The following PRELID2 variants were observed in gnomAD, a reference collection of about 807,000 sequenced individuals.
The protein encoded by PRELID2 is PRELI domain-containing protein 2.
PRELID2 carries 25 observed loss-of-function variants against 28.4 expected under a neutral mutation model. That is an observed-to-expected ratio of 0.88 (90% CI 0.64 to 1.23). The LOEUF (loss-of-function observed/expected upper bound fraction) is 1.23. Among genes scored for constraint, PRELID2 ranks in the 50% most tolerant of loss-of-function variants. The pLI is 0.00. For missense variants in PRELID2, 201 were observed against 214.4 expected (o/e 0.94, Z 0.39); for synonymous variants, 76 against 71.6 (o/e 1.06, Z -0.31).
the PRELID2 span, among the ~76,000 whole-genome samples, chr5:145,409,785 A>G: frequency 3.4e-4 from 52 of 151,868 alleles, no homozygotes; most frequent in Admixed American, 3.4e-3. Context: ...GAGACATTAT[A>G]TAATGATTAA....
the PRELID2 span, among the ~76,000 whole-genome samples, chr5:145,279,238 C>T: frequency 6.6e-6 from 1 of 152,182 alleles, no homozygotes; most frequent in African/African-American, 2.4e-5. Flanking sequence ...CTAATAAATT[C>T]TTTCCTCCAT....
intron 1 of PRELID2, among the ~76,000 whole-genome samples, chr5:145,575,687 T>C (rs914826741): frequency 6.6e-6 from 1 of 152,164 alleles, no homozygotes. Context: ...GAAAAATATA[T>C]TGAAAATAAT....
At chr5:145,830,149 G>A (rs565370943) in intron 1 of PRELID2, among the ~76,000 whole-genome samples, 6 of 152,336 alleles carry the variant, frequency 3.9e-5, no homozygotes, top group African/African-American at 1.4e-4. Flanking sequence ...AGGATTTGCT[G>A]AGTACCTACT....
In PRELID2 at chr5:145,638,172, T is replaced by A. The variant is rs1274680710; in HGVS notation, n.70+126759A>T. On this transcript the variant is annotated intron_variant and non_coding_transcript_variant, in intron 1 of 2. Transcript: ENST00000510259. ...TCATTGCTAGTACTATTATTGATAT[T>A]GGTACTACTACTACTACCAGTACTA... 4.6e-5 allele frequency among the ~76,000 whole-genome samples: 7 copies of A among 152,330 alleles called. No individual in the cohort carries two copies. In the East Asian group the frequency reaches 1.4e-3, roughly 29 times the overall value.
At chr5:145,633,435 C>T (rs1008439348) in intron 1 of PRELID2, among the ~76,000 whole-genome samples, 2 of 152,166 alleles carry the variant, frequency 1.3e-5, no homozygotes, top group African/African-American at 4.8e-5. Flanking sequence ...GAATAGTAAA[C>T]TCTAGTTCAC....
At chr5:145,800,650 G>A (rs560295132) in intron 4 of PRELID2, among the ~76,000 whole-genome samples, 4 of 152,176 alleles carry the variant, frequency 2.6e-5, no homozygotes, top group African/African-American at 9.6e-5. Context: ...GCCACTTTTG[G>A]GAGAAGTAAG....
At chr5:145,412,102 G>T in the PRELID2 span, among the ~76,000 whole-genome samples, 62,340 of 151,894 alleles carry the variant, frequency 0.41, 13,160 homozygotes, top group Admixed American at 0.48. Context: ...TGCTGTGAAG[G>T]TCTCTGACAC....
At chr5:145,588,339 C>T (rs1207698883) in intron 1 of PRELID2, among the ~76,000 whole-genome samples, 2 of 152,114 alleles carry the variant, frequency 1.3e-5, no homozygotes, top group African/African-American at 2.4e-5. Context: ...CATCTCCCTG[C>T]AGGCTCCTAC....
At position 145,490,638 on chromosome 5, in the gene PRELID2, A is replaced by T. The variant is rs1752260379; in HGVS notation, n.71-17323T>A. 2.6e-5 allele frequency among the ~76,000 whole-genome samples: 4 copies of T among 152,338 alleles called. No homozygotes were observed. The South Asian group carries it at 8.3e-4, about 32-fold the overall frequency. ...TTTAAGCAAATGTATAGATGAAAAT[A>T]TCAGGCAATTATAAACAATTATAAA... On this transcript the variant is annotated intron_variant and non_coding_transcript_variant, in intron 1 of 2. Coordinates refer to the PRELID2 transcript ENST00000510259.
At chr5:145,616,142 C>T (rs536484220) in intron 1 of PRELID2, among the ~76,000 whole-genome samples, 69 of 152,238 alleles carry the variant, frequency 4.5e-4, no homozygotes, top group African/African-American at 1.5e-3. Flanking sequence ...TCATAGGTTA[C>T]CTGGTGGTGT....
the PRELID2 span, among the ~76,000 whole-genome samples, chr5:145,269,773 A>T: frequency 6.7e-6 from 1 of 149,782 alleles, no homozygotes; most frequent in Non-Finnish European, 1.5e-5. Context: ...CCTCCATGCT[A>T]AGAACTAAAA....
At chr5:145,465,306 A>G in the PRELID2 span, among the ~76,000 whole-genome samples, 1 of 152,194 alleles carries the variant, frequency 6.6e-6, no homozygotes, top group Admixed American at 6.5e-5. Context: ...ACAAATTTTT[A>G]TGTGTGTGCT....
At chr5:145,269,895 C>G in the PRELID2 span, among the ~76,000 whole-genome samples, 7 of 147,968 alleles carry the variant, frequency 4.7e-5, no homozygotes, top group African/African-American at 1.7e-4. Context: ...TATGTATACA[C>G]ACACATACAT....
At chr5:145,584,915 C>G (rs1026665775) in intron 1 of PRELID2, among the ~76,000 whole-genome samples, 15 of 152,116 alleles carry the variant, frequency 9.9e-5, no homozygotes, top group Non-Finnish European at 1.5e-5. Context: ...TATCATTTGA[C>G]TAAGCAATCC....
At chr5:145,598,216 A>C in intron 1 of PRELID2, among the ~76,000 whole-genome samples, 1 of 152,200 alleles carries the variant, frequency 6.6e-6, no homozygotes, top group East Asian at 1.9e-4. Context: ...AGTCTATTAA[A>C]TAGACCAGTA....
the PRELID2 span, among the ~76,000 whole-genome samples, chr5:145,254,001 T>TCA: frequency 4.6e-5 from 7 of 151,592 alleles, no homozygotes; most frequent in South Asian, 4.2e-4. Context: ...TTGTAAGGAT[T>TCA]CACACACACA....
At chr5:145,579,210 T>C (rs901100735) in intron 1 of PRELID2, among the ~76,000 whole-genome samples, 2 of 152,066 alleles carry the variant, frequency 1.3e-5, no homozygotes, top group African/African-American at 2.4e-5. Context: ...AGGAAATGTA[T>C]ATAACATGAT....
intron 1 of PRELID2, among the ~76,000 whole-genome samples, chr5:145,716,382 G>A (rs553107842): frequency 3.4e-4 from 52 of 152,244 alleles, no homozygotes; most frequent in South Asian, 1.0e-3. Context: ...AGAAGAAATC[G>A]TGGTGAGCTA....
chr5:145,232,592 G>T, the PRELID2 span, among the ~76,000 whole-genome samples: 1 of 152,038 alleles, frequency 6.6e-6, no homozygotes, highest in African/African-American at 2.4e-5. Context: ...CTCGTTATTT[G>T]GACATATATT....
Sources: gnomAD v4.1 joint callset for allele counts (sites outside exome capture counted in the v4.1 genomes callset) on GRCh38, gnomAD v4.1.1 for gene constraint, MANE v1.5 for transcripts, NCBI Gene and HGNC (gene_info 2026-07-23, HGNC 2026-07-21) for gene names.